Variants in LRRTM4 observed in about 807,000 individuals in gnomAD.
LRRTM4 encodes the protein leucine-rich repeat transmembrane neuronal protein 4.
LRRTM4 carries 25 observed loss-of-function variants against 47.6 expected under a neutral mutation model. The ratio of observed to expected loss-of-function variants is 0.53; its 90% CI spans 0.38 to 0.73. The LOEUF (loss-of-function observed/expected upper bound fraction) is 0.73. LRRTM4 is among the 30% of genes least tolerant of loss of function. The pLI, the probability that LRRTM4 is intolerant of heterozygous loss-of-function variation, is 0.00. For missense variants in LRRTM4, 638 were observed against 713.4 expected (o/e 0.89, Z 1.20); for synonymous variants, 311 against 269.5 (o/e 1.15, Z -1.51).
chr2:77,470,556 A>C (rs892333710), intron 3 of LRRTM4, among the ~76,000 whole-genome samples: 1 of 152,168 alleles, frequency 6.6e-6, no homozygotes, highest in Non-Finnish European at 1.5e-5. Flanking sequence ...AGTCCAAGGA[A>C]TGTTACATCA....
intron 3 of LRRTM4, among the ~76,000 whole-genome samples, chr2:77,122,494 C>G (rs997321017): frequency 6.7e-6 from 1 of 149,494 alleles, no homozygotes; most frequent in African/African-American, 2.4e-5. Context: ...ACTATATATA[C>G]TATATATACA....
intron 3 of LRRTM4, among the ~76,000 whole-genome samples, chr2:77,088,992 C>T (rs964731988): frequency 2.0e-5 from 3 of 152,020 alleles, no homozygotes; most frequent in Non-Finnish European, 4.4e-5. Context: ...CCCAAAACTC[C>T]GGCGCCGGTC....
chr2:76,903,497 C>G (rs1424072786), intron 3 of LRRTM4, among the ~76,000 whole-genome samples: 2 of 152,138 alleles, frequency 1.3e-5, no homozygotes, highest in Non-Finnish European at 2.9e-5. Flanking sequence ...GATTGCATCA[C>G]TGCACTCCAT....
chr2:77,067,030 G>C (rs368517678), intron 3 of LRRTM4, among the ~76,000 whole-genome samples: 2 of 152,146 alleles, frequency 1.3e-5, no homozygotes, highest in African/African-American at 2.4e-5. Flanking sequence ...AGAGGAAGGG[G>C]TTCTGACACT....
chr2:77,432,799 C>CA (rs1675436442), intron 3 of LRRTM4, among the ~76,000 whole-genome samples: 1 of 152,172 alleles, frequency 6.6e-6, no homozygotes. Flanking sequence ...TAAGAAGAGT[C>CA]AGAGTCCTGT....
chr2:77,511,795 C>A (rs1374267357), intron 3 of LRRTM4, among the ~76,000 whole-genome samples: 1 of 151,854 alleles, frequency 6.6e-6, no homozygotes, highest in African/African-American at 2.4e-5. Flanking sequence ...TCATTTCATT[C>A]CCCAAACTTA....
chr2:77,125,555 A>G (rs1000741238), intron 3 of LRRTM4, among the ~76,000 whole-genome samples: 3 of 152,196 alleles, frequency 2.0e-5, no homozygotes, highest in African/African-American at 7.2e-5. Flanking sequence ...AACGAGGACC[A>G]TCTTGTTCTG....
chr2:77,047,931 G>A (rs761160807), intron 3 of LRRTM4, among the ~76,000 whole-genome samples: 47 of 151,976 alleles, frequency 3.1e-4, no homozygotes, highest in Non-Finnish European at 5.6e-4. Flanking sequence ...TGCATTGTAG[G>A]ACATTTAGCA....
chr2:76,879,106 G>A (rs1328658987), intron 3 of LRRTM4, among the ~76,000 whole-genome samples: 1 of 152,198 alleles, frequency 6.6e-6, no homozygotes, highest in Admixed American at 6.5e-5. Context: ...GAACCAACAA[G>A]CACTGATGTA....
At chr2:76,760,731 C>T (rs58704900) in intron 3 of LRRTM4, among the ~76,000 whole-genome samples, 5,823 of 151,544 alleles carry the variant, frequency 0.038, 389 homozygotes, top group African/African-American at 0.13. Flanking sequence ...TAGCGTTTTG[C>T]AAAAAAAATC....
At chr2:77,418,914 T>C (rs1674754935) in intron 3 of LRRTM4, among the ~76,000 whole-genome samples, 1 of 152,226 alleles carries the variant, frequency 6.6e-6, no homozygotes, top group African/African-American at 2.4e-5. Context: ...ACAATGGCAT[T>C]TATTTACTGT....
chr2:77,292,713 G>C (rs1328922245), intron 3 of LRRTM4, among the ~76,000 whole-genome samples: 1 of 118,070 alleles, frequency 8.5e-6, no homozygotes, highest in African/African-American at 3.2e-5. Flanking sequence ...GGGGGGAGGG[G>C]GGAGGGGTAG....
At chr2:76,763,122 T>C (rs557108899) in intron 3 of LRRTM4, among the ~76,000 whole-genome samples, 81 of 152,278 alleles carry the variant, frequency 5.3e-4, no homozygotes, top group African/African-American at 1.8e-3. Flanking sequence ...TTGTGACACA[T>C]TGAACATAAA....
chr2:76,946,453 G>A (rs1055621857), intron 3 of LRRTM4, among the ~76,000 whole-genome samples: 1 of 151,682 alleles, frequency 6.6e-6, no homozygotes, highest in Admixed American at 6.6e-5. Flanking sequence ...TTCTTGGAAA[G>A]GTGTCCAGTA....
rs188652551 is a variant in LRRTM4 at position 76,830,878 on chromosome 2, T to G, written c.1552-81962A>C. Among the ~76,000 whole-genome samples the G allele has an allele frequency of 1.6e-3, 250 of 152,180 alleles. 1 individual carries two copies. The highest frequency in any genetic ancestry group is 5.8e-3 in the African/African-American group (240 of 41,566). On this transcript the variant is annotated intron_variant, in intron 3 of 3. Transcript: ENST00000409884. The stretch of plus-strand genomic sequence containing the variant: ...TTTCAGATCCAAAAATAGCTGTTAT[T>G]ATTTATCTCTGACCTAATAAAGAAA...
At chr2:77,484,046 C>T (rs1449365866) in intron 3 of LRRTM4, among the ~76,000 whole-genome samples, 1 of 152,122 alleles carries the variant, frequency 6.6e-6, no homozygotes, top group Non-Finnish European at 1.5e-5. Context: ...GTTGTGTTAC[C>T]ATTAGATAAA....
chr2:76,990,758 T>C (rs1272877298), intron 3 of LRRTM4, among the ~76,000 whole-genome samples: 1 of 151,248 alleles, frequency 6.6e-6, no homozygotes. Context: ...GAAAACTAAC[T>C]AAGAAATTCT....
intron 3 of LRRTM4, among the ~76,000 whole-genome samples, chr2:76,807,753 G>T (rs1394525013): frequency 6.6e-6 from 1 of 150,836 alleles, no homozygotes; most frequent in Non-Finnish European, 1.5e-5. Context: ...CTCCACACCT[G>T]ACTAACTTTT....
intron 3 of LRRTM4, among the ~76,000 whole-genome samples, chr2:76,800,776 A>C (rs1208490378): frequency 1.4e-5 from 2 of 141,338 alleles, no homozygotes; most frequent in Non-Finnish European, 3.1e-5. Context: ...AAACAACCCC[A>C]TCAAAAAGTG....
Sources: gnomAD v4.1 joint callset for allele counts (sites outside exome capture counted in the v4.1 genomes callset) on GRCh38, gnomAD v4.1.1 for gene constraint, MANE v1.5 for transcripts, NCBI Gene and HGNC (gene_info 2026-07-23, HGNC 2026-07-21) for gene names.